The following ZMYND8 variants were observed in gnomAD, a reference collection of about 807,000 sequenced individuals.
The protein encoded by ZMYND8 is zinc finger MYND-type containing 8.
A neutral mutation model predicts 140.8 loss-of-function variants in ZMYND8; 37 were observed. The observed-to-expected ratio is 0.26, with a 90% CI of 0.20 to 0.35. The LOEUF (loss-of-function observed/expected upper bound fraction) is 0.35. ZMYND8 is among the 10% of genes least tolerant of loss of function. The pLI, the probability that ZMYND8 is intolerant of heterozygous loss-of-function variation, is 1.00. For synonymous variants in ZMYND8, 592 were observed against 597.1 expected (o/e 0.99, Z 0.12); for missense variants, 1,068 against 1,570.0 (o/e 0.68, Z 5.40).
chr20:47,306,602 ACT>A (rs1304189015), intron 3 of ZMYND8, among the ~76,000 whole-genome samples: 51 of 140,960 alleles, frequency 3.6e-4, no homozygotes, highest in Non-Finnish European at 6.0e-5. Flanking sequence ...ACAGAGTCTC[ACT>A]CTGTCGCTCA....
chr20:47,316,727 G>A (rs919879454), intron 2 of ZMYND8, among the ~76,000 whole-genome samples: 1 of 151,708 alleles, frequency 6.6e-6, no homozygotes, highest in Non-Finnish European at 1.5e-5. Flanking sequence ...CCAGGGAGGT[G>A]GAGGTTGTGG....
chr20:47,321,972 T>C (rs934511148), intron 2 of ZMYND8, among the ~76,000 whole-genome samples: 1 of 150,046 alleles, frequency 6.7e-6, no homozygotes, highest in Non-Finnish European at 1.5e-5. Context: ...GAGATCCTCC[T>C]GTCTCAGCCT....
rs796316243 is a variant in ZMYND8, at chr20:47,272,066, GA to G, written c.1480+4247del. The stretch of plus-strand genomic sequence containing the variant: ...CACAATTATAAAAAAAGGGGGGGGG[GA>G]GTAATATGAAACCTCTTTTTTTTTC... On this transcript the variant is annotated intron_variant, in intron 11 of 22. Coordinates refer to ENST00000471951, the MANE Select transcript of ZMYND8 (RefSeq NM_001281775.3). Among the ~76,000 whole-genome samples, 277 of 143,516 alleles carry G rather than the reference GA, an allele frequency of 1.9e-3. 2 individuals carry two copies. Among genetic ancestry groups the G allele is most frequent in the African/African-American group, 7.0e-3 (264 of 37,728 alleles). The allele number at this position is 143,516 out of a possible 152,430, so 94.2% of individuals were successfully genotyped here.
intron 1 of ZMYND8, chr20:47,356,300 G>T: frequency 7.7e-7 from 1 of 1,296,382 alleles, no homozygotes; most frequent in Non-Finnish European, 1.0e-6. Context: ...TGCTCAGAGA[G>T]AGAGAGAGGG....
chr20:47,246,976 C>CA (rs2040634255), intron 13 of ZMYND8, among the ~76,000 whole-genome samples: 1 of 152,168 alleles, frequency 6.6e-6, no homozygotes, highest in South Asian at 2.1e-4. Context: ...GGCTCCCCAC[C>CA]AACACTCTTC....
intron 4 of ZMYND8, among the ~76,000 whole-genome samples, chr20:47,296,094 C>T (rs2077618591): frequency 6.6e-6 from 1 of 152,148 alleles, no homozygotes; most frequent in Admixed American, 6.5e-5. Context: ...TTGCAACGTT[C>T]AGTCTTCCCA....
At chr20:47,279,757 CTT>C (rs11476452) in intron 10 of ZMYND8, among the ~76,000 whole-genome samples, 121 of 143,150 alleles carry the variant, frequency 8.5e-4, no homozygotes, top group East Asian at 1.4e-3. Flanking sequence ...TTGGTGTCCG[CTT>C]TTTTTTTTTT....
intron 2 of ZMYND8, among the ~76,000 whole-genome samples, chr20:47,335,674 T>G (rs1010133167): frequency 6.6e-6 from 1 of 152,146 alleles, no homozygotes; most frequent in African/African-American, 2.4e-5. Context: ...AGAATAATAA[T>G]AGTCACACAA....
At chr20:47,287,204 A>G (rs769251452) in intron 8 of ZMYND8, 25 bp downstream of exon 8, 2 of 1,609,790 alleles carry the variant, frequency 1.2e-6, no homozygotes, top group Non-Finnish European at 1.7e-6. Flanking sequence ...GGTGCATCTA[A>G]AACAGGACAG....
intron 2 of ZMYND8, among the ~76,000 whole-genome samples, chr20:47,330,497 C>A (rs112099762): frequency 6.6e-6 from 1 of 151,912 alleles, no homozygotes; most frequent in Non-Finnish European, 1.5e-5. Flanking sequence ...AGACACCATG[C>A]CCTTAAGGCT....
chr20:47,323,953 C>A (rs1238068320), intron 2 of ZMYND8, among the ~76,000 whole-genome samples: 3 of 152,176 alleles, frequency 2.0e-5, no homozygotes, highest in African/African-American at 7.2e-5. Context: ...GTAATCCCAG[C>A]ACTTTGGGAG....
At chr20:47,304,615 C>A (rs1195253136) in intron 3 of ZMYND8, among the ~76,000 whole-genome samples, 2 of 152,188 alleles carry the variant, frequency 1.3e-5, no homozygotes, top group Non-Finnish European at 2.9e-5. Context: ...CCTACAGAGG[C>A]CACACAGGGA....
intron 21 of ZMYND8, among the ~76,000 whole-genome samples, chr20:47,218,594 C>A (rs2036464622): frequency 6.6e-6 from 1 of 152,060 alleles, no homozygotes; most frequent in African/African-American, 2.4e-5. Flanking sequence ...GGGGAGCATG[C>A]GGCTAAAATC....
intron 1 of ZMYND8, chr20:47,354,691 A>G (rs1042321158): frequency 6.6e-6 from 1 of 152,234 alleles, no homozygotes; most frequent in Admixed American, 6.5e-5. Flanking sequence ...TAAAGTTGAC[A>G]TAACACAGCA....
chr20:47,248,810 A>T (rs901951561), intron 13 of ZMYND8, among the ~76,000 whole-genome samples: 1 of 152,208 alleles, frequency 6.6e-6, no homozygotes, highest in Non-Finnish European at 1.5e-5. Context: ...GGCAGGATTC[A>T]GGTAGGCAGT....
At chr20:47,332,199 T>C (rs1250105261) in intron 2 of ZMYND8, among the ~76,000 whole-genome samples, 1 of 152,118 alleles carries the variant, frequency 6.6e-6, no homozygotes, top group Non-Finnish European at 1.5e-5. Context: ...TAATCCCAGC[T>C]ACTCAGGAGG....
At chr20:47,305,041 G>A (rs912418565) in intron 3 of ZMYND8, among the ~76,000 whole-genome samples, 3 of 151,572 alleles carry the variant, frequency 2.0e-5, no homozygotes, top group Non-Finnish European at 4.4e-5. Flanking sequence ...CCAGGAGTCC[G>A]CGACCAGCCT....
At chr20:47,312,554 G>A (rs2079017377) in intron 2 of ZMYND8, among the ~76,000 whole-genome samples, 1 of 152,184 alleles carries the variant, frequency 6.6e-6, no homozygotes, top group East Asian at 1.9e-4. Flanking sequence ...ACAGCAGCTA[G>A]TTAGTGGGAA....
intron 1 of ZMYND8, chr20:47,353,712 G>A (rs1293969685): frequency 1.3e-5 from 2 of 152,102 alleles, no homozygotes; most frequent in African/African-American, 2.4e-5. Flanking sequence ...GGAGGCAGAA[G>A]GAAAAAGGAA....
Sources: allele counts gnomAD v4.1 joint callset (sites outside exome capture counted in the v4.1 genomes callset), GRCh38; gene constraint gnomAD v4.1.1; transcripts MANE v1.5; gene names NCBI Gene and HGNC (gene_info 2026-07-23, HGNC 2026-07-21).